GRM7: variants seen among roughly 807,000 people sequenced by gnomAD.
The protein encoded by GRM7 is glutamate metabotropic receptor 7, also known as metabotropic glutamate receptor 7.
A neutral mutation model predicts 84.5 loss-of-function variants in GRM7; 35 were observed. The ratio of observed to expected loss-of-function variants is 0.41; its 90% CI spans 0.32 to 0.55. The LOEUF is 0.55. GRM7 is among the 20% of genes least tolerant of loss of function. The pLI, the probability that GRM7 is intolerant of heterozygous loss-of-function variation, is 0.19. For synonymous variants in GRM7, 487 were observed against 455.1 expected, an observed-to-expected ratio of 1.07 and a Z score of -0.89; for missense variants, 1,003 against 1,194.6, an observed-to-expected ratio of 0.84 and a Z score of 2.36.
chr3:7,666,048 A>G (rs1427344824), intron 8 of GRM7, among the ~76,000 whole-genome samples: 1 of 152,174 alleles, frequency 6.6e-6, no homozygotes, highest in Non-Finnish European at 1.5e-5. Context: ...AGATAACTGA[A>G]TCTATGACCG....
chr3:7,465,931 A>C (rs922517057), intron 7 of GRM7, among the ~76,000 whole-genome samples: 1 of 151,538 alleles, frequency 6.6e-6, no homozygotes, highest in Non-Finnish European at 1.5e-5. Flanking sequence ...CCCTCACTAC[A>C]CTCTGTCTCC....
intron 9 of GRM7, among the ~76,000 whole-genome samples, chr3:7,692,515 T>TG (rs558963310): frequency 1.9e-4 from 29 of 152,290 alleles, no homozygotes; most frequent in Non-Finnish European, 3.4e-4. Context: ...GGGACCACCC[T>TG]GGGGGGCCAG....
chr3:7,488,384 A>C (rs189010783), intron 7 of GRM7, among the ~76,000 whole-genome samples: 2 of 152,246 alleles, frequency 1.3e-5, no homozygotes, highest in Non-Finnish European at 2.9e-5. Flanking sequence ...ACTCAAGTTA[A>C]AGTTTGCTCC....
intron 7 of GRM7, among the ~76,000 whole-genome samples, chr3:7,535,768 G>A (rs376104976): frequency 6.6e-6 from 1 of 152,172 alleles, no homozygotes; most frequent in Non-Finnish European, 1.5e-5. Flanking sequence ...TAAAGATACC[G>A]TGTAAGTTAC....
chr3:6,999,540 A>G (rs1694939877), intron 1 of GRM7, among the ~76,000 whole-genome samples: 1 of 152,022 alleles, frequency 6.6e-6, no homozygotes, highest in East Asian at 1.9e-4. Context: ...GTACTAATTT[A>G]CTTTGTCCAT....
chr3:7,683,581 A>G (rs1312043547), intron 9 of GRM7, among the ~76,000 whole-genome samples: 3 of 152,180 alleles, frequency 2.0e-5, no homozygotes, highest in African/African-American at 7.2e-5. Context: ...AGTCCCAAAA[A>G]AGAATCCAAA....
In GRM7 at chr3:7,179,963, A is replaced by G. The variant is rs188551278; in HGVS notation, c.736+33295A>G. ...TTCCATTAGCGTATCAGTGACCTTA[A>G]GAAGTCCAGAGTTAGAAACGCTTTA... On this transcript the variant is annotated intron_variant, in intron 2 of 9. Coordinates refer to ENST00000357716, the MANE Select transcript of GRM7 (RefSeq NM_000844.4). 1.2e-4 allele frequency among the ~76,000 whole-genome samples: 19 copies of G among 152,318 alleles called. No individual in the cohort carries two copies. In the East Asian group the frequency reaches 1.9e-3, roughly 15 times the overall value.
intron 7 of GRM7, among the ~76,000 whole-genome samples, chr3:7,498,284 C>T (rs1394650198): frequency 6.6e-6 from 1 of 152,132 alleles, no homozygotes; most frequent in African/African-American, 2.4e-5. Flanking sequence ...GGGGCAATAG[C>T]CTACAATGCA....
chr3:7,367,120 T>A (rs1451641830), intron 4 of GRM7, among the ~76,000 whole-genome samples: 1 of 150,454 alleles, frequency 6.6e-6, no homozygotes, highest in Non-Finnish European at 1.5e-5. Context: ...CATCATTTAT[T>A]TCTTTACTTC....
At chr3:7,051,278 C>A (rs904361090) in intron 1 of GRM7, among the ~76,000 whole-genome samples, 1 of 151,710 alleles carries the variant, frequency 6.6e-6, no homozygotes, top group African/African-American at 2.4e-5. Context: ...TCACCACAGC[C>A]TGTGAGAATA....
intron 1 of GRM7, among the ~76,000 whole-genome samples, chr3:6,994,456 T>A (rs1348511631): frequency 6.6e-6 from 1 of 152,240 alleles, no homozygotes; most frequent in Non-Finnish European, 1.5e-5. Flanking sequence ...CTTAATAAAC[T>A]GTAGTAACAA....
At chr3:7,281,781 A>G (rs566713403) in intron 2 of GRM7, among the ~76,000 whole-genome samples, 2 of 152,270 alleles carry the variant, frequency 1.3e-5, no homozygotes, top group South Asian at 4.1e-4. Flanking sequence ...ACTGAATCAG[A>G]GTCTGTACTT....
chr3:7,141,257 A>T (rs1365073836), intron 1 of GRM7, among the ~76,000 whole-genome samples: 1 of 152,042 alleles, frequency 6.6e-6, no homozygotes, highest in East Asian at 1.9e-4. Context: ...AGGGTAGAAG[A>T]CAAAAAGAAA....
At chr3:7,181,074 C>T (rs887742727) in intron 2 of GRM7, among the ~76,000 whole-genome samples, 26 of 152,162 alleles carry the variant, frequency 1.7e-4, no homozygotes, top group African/African-American at 5.8e-4. Context: ...AGTGTCCACT[C>T]ATTAACCATA....
intron 2 of GRM7, among the ~76,000 whole-genome samples, chr3:7,224,088 A>T (rs1696899530): frequency 6.6e-6 from 1 of 152,024 alleles, no homozygotes; most frequent in Non-Finnish European, 1.5e-5. Flanking sequence ...CCATTCTTAC[A>T]CTCTTATAAA....
intron 4 of GRM7, among the ~76,000 whole-genome samples, chr3:7,324,799 T>A (rs1700921652): frequency 6.6e-6 from 1 of 152,158 alleles, no homozygotes; most frequent in South Asian, 2.1e-4. Context: ...GACAAAGTGT[T>A]GAGTCATAGA....
At chr3:7,137,894 A>T (rs936323782) in intron 1 of GRM7, among the ~76,000 whole-genome samples, 1 of 152,126 alleles carries the variant, frequency 6.6e-6, no homozygotes, top group Non-Finnish European at 1.5e-5. Flanking sequence ...GTTCATTCAA[A>T]CTGAGAAATA....
At chr3:7,692,491 CT>C (rs1700844915) in intron 9 of GRM7, among the ~76,000 whole-genome samples, 1 of 152,158 alleles carries the variant, frequency 6.6e-6, no homozygotes, top group Admixed American at 6.5e-5. Flanking sequence ...TTTTATTGCA[CT>C]TATATTAAAT....
chr3:7,100,403 T>G (rs1699069348), intron 1 of GRM7, among the ~76,000 whole-genome samples: 1 of 151,704 alleles, frequency 6.6e-6, no homozygotes, highest in Non-Finnish European at 1.5e-5. Context: ...GCTAACTTAT[T>G]TTTTCCTCCT....
Sources: gnomAD v4.1 joint callset for allele counts (sites outside exome capture counted in the v4.1 genomes callset) on GRCh38, gnomAD v4.1.1 for gene constraint, MANE v1.5 for transcripts, NCBI Gene and HGNC (gene_info 2026-07-23, HGNC 2026-07-21) for gene names.